Variants in ANKRD50 observed in about 807,000 individuals in gnomAD.
The protein encoded by ANKRD50 is ankyrin repeat domain-containing protein 50.
In ANKRD50, 40 loss-of-function variants were observed where a neutral mutation model predicts 112.0. The observed-to-expected ratio is 0.36, with a 90% CI of 0.28 to 0.46. The LOEUF is 0.46. Ranked by LOEUF, ANKRD50 falls within the 20% of genes least tolerant of loss-of-function variation. The pLI is 1.00. For synonymous variants in ANKRD50, 613 were observed against 619.1 expected (o/e 0.99, Z 0.15); for missense variants, 1,487 against 1,701.7 (o/e 0.87, Z 2.22).
chr4:124,669,201 T>C lies in ANKRD50; in HGVS notation c.4076A>G (p.Asn1359Ser), dbSNP rs763774791. The change falls in exon 4 of 5, where the codon AAT becomes AGT. Residue 1359 changes from asparagine (N) to serine (S), a missense_variant. This residue lies in a region of ANKRD50 where 441 missense variants were observed against 432.2 expected (regional missense o/e 1.02). Coordinates refer to ENST00000504087, the MANE Select transcript of ANKRD50 (RefSeq NM_020337.3). ...HQQSGEQKKRNGIMTNPNYHL... is the reference protein window; with the variant it reads ...HQQSGEQKKRSGIMTNPNYHL... ...ATAATTTGGATTTGTCATTATTCCA[T>C]TTCTCTTCTTCTGTTCCCCACTTTG... is the stretch of plus-strand genomic sequence containing the variant. 7 of 1,613,660 alleles carry C rather than the reference T, an allele frequency of 4.3e-6. No individual in the cohort carries two copies. Among genetic ancestry groups the C allele is most frequent in the African/African-American group, 2.7e-5 (2 of 74,990 alleles).
At chr4:124,677,790 C>T (rs12648676) in intron 3 of ANKRD50, among the ~76,000 whole-genome samples, 6,635 of 151,736 alleles carry the variant, frequency 0.044, 257 homozygotes, top group East Asian at 0.21. Context: ...GAGCTGAAAG[C>T]ATATAAAATA....
chr4:124,711,787 G>A (rs1725639120), intron 1 of ANKRD50, among the ~76,000 whole-genome samples: 1 of 152,064 alleles, frequency 6.6e-6, no homozygotes, highest in African/African-American at 2.4e-5. Flanking sequence ...AACGATGGGG[G>A]ATGACTGTTC....
intron 2 of ANKRD50, among the ~76,000 whole-genome samples, chr4:124,695,683 A>G (rs1047823424): frequency 6.6e-6 from 1 of 152,210 alleles, no homozygotes; most frequent in African/African-American, 2.4e-5. Context: ...AGGAAGCTAA[A>G]GAGCTAAACA....
At chr4:124,695,438 T>A (rs1243121351) in intron 2 of ANKRD50, among the ~76,000 whole-genome samples, 2 of 152,120 alleles carry the variant, frequency 1.3e-5, no homozygotes, top group Non-Finnish European at 2.9e-5. Flanking sequence ...TCAGTTATAT[T>A]CCTCTAAGCA....
chr4:124,676,865 G>A (rs1244844360), intron 3 of ANKRD50, among the ~76,000 whole-genome samples: 1 of 151,564 alleles, frequency 6.6e-6, no homozygotes. Flanking sequence ...ATAAAGGTCA[G>A]ATAGCAGAAT....
At position 124,666,640 on chromosome 4, in the gene ANKRD50, A is replaced by G. The variant is rs2110504522; in HGVS notation, c.*878T>C. The G allele has an allele frequency of 6.6e-6, 1 of 152,538 alleles. No individual in the cohort carries two copies. The highest frequency in any genetic ancestry group is 2.1e-4 in the South Asian group (1 of 4,826). The allele number at this position is 152,538 out of a possible 1,614,324, so 9.4% of individuals were successfully genotyped here. ...GGATCAAAAATCTACCCTTAGATAG[A>G]CAGGTGCATTTCTCTCTGCACACAC... On this transcript the variant is annotated 3_prime_UTR_variant, in exon 5 of 5. Transcript: ENST00000504087.
intron 4 of ANKRD50, 113 bp from the exon 5 acceptor site, chr4:124,667,627 C>T (rs985294757): frequency 1.3e-5 from 2 of 151,910 alleles, no homozygotes; most frequent in African/African-American, 4.8e-5. Flanking sequence ...TATATATTTA[C>T]CATGCAAAGC....
chr4:124,711,771 A>C, intron 1 of ANKRD50, among the ~76,000 whole-genome samples: 1 of 151,984 alleles, frequency 6.6e-6, no homozygotes, highest in East Asian at 1.9e-4. Flanking sequence ...AAAAAAAAAA[A>C]ACAAAAACGA....
intron 2 of ANKRD50, among the ~76,000 whole-genome samples, chr4:124,701,290 C>T (rs976847335): frequency 2.0e-5 from 3 of 152,028 alleles, no homozygotes; most frequent in Non-Finnish European, 2.9e-5. Flanking sequence ...TCTAGTGAAA[C>T]GACCTGCAAT....
chr4:124,685,355 T>C lies in ANKRD50; in HGVS notation c.513-6450A>G, dbSNP rs532472359. 3.3e-5 allele frequency among the ~76,000 whole-genome samples: 5 copies of C among 152,322 alleles called. No individual in the cohort carries two copies. The East Asian group carries it at 9.6e-4, about 29-fold the overall frequency. ...TTAAAACAAAGGATTAAAAATTTAC[T>C]AAACTCAGAATTTCCATATTAAGTT... On this transcript the variant is annotated intron_variant, in intron 2 of 4. Transcript: ENST00000504087.
chr4:124,686,196 C>G (rs1267998343), intron 2 of ANKRD50, among the ~76,000 whole-genome samples: 1 of 152,092 alleles, frequency 6.6e-6, no homozygotes, highest in Non-Finnish European at 1.5e-5. Context: ...ACAGATTGAA[C>G]ATGAAAAAGT....
At chr4:124,700,121 A>G (rs1258745406) in intron 2 of ANKRD50, among the ~76,000 whole-genome samples, 1 of 152,214 alleles carries the variant, frequency 6.6e-6, no homozygotes. Context: ...TCAGTGAATA[A>G]GGAAAGCTCT....
intron 2 of ANKRD50, among the ~76,000 whole-genome samples, chr4:124,690,499 C>T (rs191379652): frequency 2.6e-4 from 40 of 152,212 alleles, no homozygotes; most frequent in Non-Finnish European, 2.9e-5. Flanking sequence ...CAAAAATGTA[C>T]ATTTCCAGCT....
At chr4:124,704,500 G>GTTAACAAA (rs370998869) in intron 2 of ANKRD50, among the ~76,000 whole-genome samples, 25 of 152,260 alleles carry the variant, frequency 1.6e-4, no homozygotes, top group African/African-American at 5.3e-4. Context: ...CAGACAGCAG[G>GTTAACAAA]TTAACAAATT....
intron 3 of ANKRD50, 109 bp downstream of exon 3, chr4:124,678,567 T>C (rs1724796606): frequency 1.1e-6 from 1 of 942,516 alleles, no homozygotes; most frequent in Non-Finnish European, 1.6e-6. Context: ...GAATAGCTGA[T>C]AGAAGGAGCA....
intron 2 of ANKRD50, among the ~76,000 whole-genome samples, chr4:124,688,822 G>A (rs537496498): frequency 2.6e-5 from 4 of 152,226 alleles, no homozygotes; most frequent in South Asian, 2.1e-4. Context: ...AACAATTGGC[G>A]CCTTATCAAT....
intron 2 of ANKRD50, among the ~76,000 whole-genome samples, chr4:124,700,121 A>T (rs1258745406): frequency 6.6e-6 from 1 of 152,214 alleles, no homozygotes; most frequent in Non-Finnish European, 1.5e-5. Context: ...TCAGTGAATA[A>T]GGAAAGCTCT....
At position 124,670,464 on chromosome 4, in the gene ANKRD50, T is replaced by A; in HGVS notation, c.2813A>T (p.Asp938Val). 6.2e-7 allele frequency: 1 copy of A among 1,613,854 alleles called. No homozygotes were observed. Among genetic ancestry groups the A allele is most frequent in the Non-Finnish European group, 8.5e-7 (1 of 1,179,882 alleles). The change falls in exon 4 of 5, where the codon GAT becomes GTT. Residue 938 changes from aspartate (D) to valine (V), a missense_variant. Transcript: ENST00000504087. Reference sequence around the variant, plus strand: ...ACCATCAGCATCTTTGCAGTTAACATCAGCACCATGGCTAAAAAGCAATTC... The same window carrying A: ...ACCATCAGCATCTTTGCAGTTAACAACAGCACCATGGCTAAAAAGCAATTC... ...IVELLFSHGA[D>V]VNCKDADGRP...
Position 124,702,076 on chromosome 4 carries a change from T to C in ANKRD50, c.512+7924A>G, listed in dbSNP as rs577955922. 2.8e-4 allele frequency among the ~76,000 whole-genome samples: 43 copies of C among 152,294 alleles called. 2 individuals carry two copies. The South Asian group carries it at 8.1e-3, about 29-fold the overall frequency. ...TCCCTAGAAGCTTTAATATGTCTCA[T>C]AGACTTAAAAATAATTCTTGAAAGA... On this transcript the variant is annotated intron_variant, in intron 2 of 4. Coordinates refer to ENST00000504087, the MANE Select transcript of ANKRD50 (RefSeq NM_020337.3).
Sources: gnomAD v4.1 joint callset for allele counts (sites outside exome capture counted in the v4.1 genomes callset) on GRCh38, gnomAD v4.1.1 for gene constraint, gnomAD v4.1.1 regional missense constraint, MANE v1.5 for transcripts, NCBI Gene and HGNC (gene_info 2026-07-23, HGNC 2026-07-21) for gene names.